The following USP50 variants were observed in gnomAD, a reference collection of about 807,000 sequenced individuals.
The protein encoded by USP50 is ubiquitin carboxyl-terminal hydrolase 50.
USP50 carries 37 observed loss-of-function variants against 39.2 expected under a neutral mutation model. That is an observed-to-expected ratio of 0.94 (90% CI 0.73 to 1.24). The LOEUF (loss-of-function observed/expected upper bound fraction) is 1.24, where lower values mean the gene tolerates loss of function less well. Among genes scored for constraint, USP50 ranks in the 50% most tolerant of loss-of-function variants. The pLI is 0.00. For missense variants in USP50, 374 were observed against 398.2 expected (o/e 0.94, Z 0.52); for synonymous variants, 139 against 144.5 (o/e 0.96, Z 0.27).
intron 3 of USP50, among the ~76,000 whole-genome samples, chr15:50,541,719 ACATATACCCATGGCCC>A (rs548743911): frequency 6.6e-6 from 1 of 152,260 alleles, no homozygotes; most frequent in Non-Finnish European, 1.5e-5. Context: ...CTCTGGTAAA[ACATATACCCATGGCCC>A]CATAAGCTAC....
intron 6 of USP50, among the ~76,000 whole-genome samples, chr15:50,519,280 C>CT (rs990056948): frequency 4.6e-5 from 7 of 151,918 alleles, no homozygotes; most frequent in Admixed American, 4.6e-4. Flanking sequence ...GAGCGAGACT[C>CT]TGTCTCAAAA....
At chr15:50,501,681 C>T (rs1300520848) in intron 6 of USP50, 1 of 152,054 alleles carries the variant, frequency 6.6e-6, no homozygotes, top group Non-Finnish European at 1.5e-5. Flanking sequence ...CCATGTCTTT[C>T]CTAACCCAGT....
chr15:50,499,107 C>T (rs2052522942), downstream of USP50: 1 of 1,562,160 alleles, frequency 6.4e-7, no homozygotes, highest in Non-Finnish European at 8.7e-7. Flanking sequence ...AGGTTATAAA[C>T]TAGTTATCTT....
At chr15:50,501,295 T>A in intron 6 of USP50, 1 of 134,726 alleles carries the variant, frequency 7.4e-6, no homozygotes, top group East Asian at 2.1e-4. Context: ...CTCCATATCT[T>A]TTAAAGGAAA....
intron 6 of USP50, among the ~76,000 whole-genome samples, chr15:50,521,896 G>A (rs62019120): frequency 0.19 from 28,539 of 152,082 alleles, 2,940 homozygotes; most frequent in Admixed American, 0.29. Context: ...TCCAGGAGGC[G>A]GAGATTGCAG....
At chr15:50,521,772 G>C (rs1434365863) in intron 6 of USP50, among the ~76,000 whole-genome samples, 1 of 152,086 alleles carries the variant, frequency 6.6e-6, no homozygotes, top group East Asian at 1.9e-4. Context: ...AGACCAGCCT[G>C]GCCAACACAG....
At chr15:50,532,085 A>G (rs748653593) in intron 5 of USP50, 2 of 456,100 alleles carry the variant, frequency 4.4e-6, no homozygotes, top group South Asian at 3.1e-5. Flanking sequence ...GTAATTGATG[A>G]ATTGCTAGAG....
At chr15:50,493,579 C>T (rs2052261130), downstream of USP50, 3 of 478,394 alleles carry the variant, frequency 6.3e-6, no homozygotes, top group Admixed American at 2.2e-5. Flanking sequence ...CAAGGCAAAA[C>T]TCCGTCTCTA....
At chr15:50,530,079 G>A in intron 5 of USP50, 150 bp from the exon 6 acceptor site, 2 of 1,051,270 alleles carry the variant, frequency 1.9e-6, no homozygotes, top group East Asian at 2.5e-5. Flanking sequence ...GGCCAAGGTG[G>A]ACATATCCCT....
intron 6 of USP50, among the ~76,000 whole-genome samples, chr15:50,523,175 C>CT (rs57450027): frequency 0.031 from 3,207 of 104,154 alleles, 272 homozygotes; most frequent in African/African-American, 0.1. Flanking sequence ...AAATCAGTAG[C>CT]TTTTTTTTTT....
At chr15:50,503,106 G>C (rs1235975194) in intron 6 of USP50, 1 of 152,258 alleles carries the variant, frequency 6.6e-6, no homozygotes, top group Admixed American at 6.5e-5. Context: ...CCAGCACTTT[G>C]GGAGGCTGAG....
Position 50,500,707 on chromosome 15 carries a change from T to C in USP50, c.*62A>G, listed in dbSNP as rs2052567924. On this transcript the variant is annotated 3_prime_UTR_variant, in exon 7 of 7. Transcript: ENST00000532404. ...GGGCTGGCAGCTATAGAACAGGAGA[T>C]CCATAGCATTTTGAACAGAAGTATC... 2 of 1,471,518 alleles carry C rather than the reference T, an allele frequency of 1.4e-6. No homozygotes were observed. The highest frequency in any genetic ancestry group is 3.9e-5 in the Admixed American group (2 of 50,932). The allele number at this position is 1,471,518 out of a possible 1,614,324, so 91.2% of individuals were successfully genotyped here. A position where few individuals can be genotyped will look rare whatever the true frequency, so the allele number is the denominator to read the frequency against.
chr15:50,522,277 T>G (rs952083253), intron 6 of USP50, among the ~76,000 whole-genome samples: 1 of 151,618 alleles, frequency 6.6e-6, no homozygotes, highest in Middle Eastern at 3.4e-3. Context: ...ATACAAAAAT[T>G]AGCCAGGCAT....
chr15:50,529,919 G>A lies in USP50; in HGVS notation c.814C>T (p.Gln272Ter). 1.2e-6 allele frequency: 2 copies of A among 1,613,868 alleles called. No homozygotes were observed. The highest frequency in any genetic ancestry group is 1.7e-6 in the Non-Finnish European group (2 of 1,179,856). ...IIFHLKRFDI[Q>*]GTTKRKLRTD... is the part of the protein sequence containing the mutation. ...CTCAGCTTCCTTTTTGTTGTACCCT[G>A]AATGTCAAACCTGCAGGTATAATAA... The change falls in exon 6 of 7, where the codon CAG becomes TAG. Residue 272 changes from glutamine to a stop codon, truncating the protein, a stop_gained. Transcript: ENST00000532404. LOFTEE classifies it high-confidence loss of function.
chr15:50,538,913 T>G (rs1566911410), intron 4 of USP50, 62 bp from the exon 5 acceptor site: 15 of 1,522,216 alleles, frequency 9.9e-6, no homozygotes. Context: ...CACTCTCTGT[T>G]TCTATTGGAA....
intron 6 of USP50, 147 bp from the exon 7 acceptor site, chr15:50,500,984 T>G: frequency 1.6e-6 from 1 of 638,200 alleles, no homozygotes. Context: ...ATCATGCATA[T>G]AGCCTGACTG....
At chr15:50,530,729 G>A (rs1011054795) in intron 5 of USP50, among the ~76,000 whole-genome samples, 2 of 152,140 alleles carry the variant, frequency 1.3e-5, no homozygotes, top group Admixed American at 6.5e-5. Context: ...GAGTGAGATA[G>A]CAAAGATTCA....
downstream of USP50, chr15:50,495,763 C>A (rs898985244): frequency 9.2e-7 from 1 of 1,084,474 alleles, no homozygotes; most frequent in Non-Finnish European, 1.3e-6. Context: ...CTAAATCTGG[C>A]AAGTGTTTGT....
intron 6 of USP50, among the ~76,000 whole-genome samples, chr15:50,516,123 G>A (rs1170099731): frequency 6.6e-6 from 1 of 152,002 alleles, no homozygotes; most frequent in African/African-American, 2.4e-5. Context: ...TTATCCCCAT[G>A]GTAACCACAA....
Sources: allele counts gnomAD v4.1 joint callset (sites outside exome capture counted in the v4.1 genomes callset), GRCh38; gene constraint gnomAD v4.1.1; transcripts MANE v1.5; gene names NCBI Gene and HGNC (gene_info 2026-07-23, HGNC 2026-07-21).